Variants in RUFY2 observed in about 807,000 individuals in gnomAD.
RUFY2 encodes RUN and FYVE domain containing 2.
RUFY2 carries 49 observed loss-of-function variants against 94.4 expected under a neutral mutation model. The ratio of observed to expected loss-of-function variants is 0.52; its 90% CI spans 0.41 to 0.66. The LOEUF (loss-of-function observed/expected upper bound fraction) is 0.66, where lower values mean the gene tolerates loss of function less well. Ranked by LOEUF, RUFY2 falls within the 30% of genes least tolerant of loss-of-function variation. The pLI is 0.00. For missense variants in RUFY2, 541 were observed against 692.8 expected, an observed-to-expected ratio of 0.78 and a Z score of 2.46; for synonymous variants, 255 against 235.7, an observed-to-expected ratio of 1.08 and a Z score of -0.75.
At chr10:68,371,429 A>C (rs538553537) in intron 13 of RUFY2, among the ~76,000 whole-genome samples, 46 of 152,026 alleles carry the variant, frequency 3.0e-4, no homozygotes, top group Admixed American at 1.1e-3. Flanking sequence ...CTCAAAAAAA[A>C]AAAAATACAA....
At chr10:68,397,780 A>G (rs940960081) in intron 3 of RUFY2, among the ~76,000 whole-genome samples, 8 of 148,848 alleles carry the variant, frequency 5.4e-5, no homozygotes, top group African/African-American at 2.0e-4. Context: ...CCTGTCTCAG[A>G]AAAAAAAAAG....
downstream of RUFY2, chr10:68,341,573 TTTTTC>T (rs747778464): frequency 2.5e-6 from 4 of 1,570,018 alleles, no homozygotes; most frequent in Non-Finnish European, 3.5e-6. Flanking sequence ...ACTCTTTCTT[TTTTTC>T]TTAAAGAACA....
rs190952421 is a variant in RUFY2, at chr10:68,360,726, C to T, written c.1550+2864G>A. Among the ~76,000 whole-genome samples, 89 of 151,370 alleles carry T rather than the reference C, an allele frequency of 5.9e-4. 2 individuals carry two copies. In the East Asian group the frequency reaches 0.017, roughly 28 times the overall value. On this transcript the variant is annotated intron_variant, in intron 15 of 17. Coordinates refer to ENST00000602465, the MANE Select transcript of RUFY2 (RefSeq NM_001330103.2). ...TACTGCCACTGCACTCCAGCCTGGG[C>T]GACAGAGCGAGACTCCATCTCAAAA...
At chr10:68,362,112 C>T (rs2047496251) in intron 15 of RUFY2, among the ~76,000 whole-genome samples, 1 of 151,992 alleles carries the variant, frequency 6.6e-6, no homozygotes, top group African/African-American at 2.4e-5. Flanking sequence ...ATGTCCTGAG[C>T]CCAGGAGTTC....
At chr10:68,391,576 A>G (rs2049986417) in intron 7 of RUFY2, among the ~76,000 whole-genome samples, 1 of 147,354 alleles carries the variant, frequency 6.8e-6, no homozygotes, top group African/African-American at 2.5e-5. Context: ...TGAGCCTGCA[A>G]TGTCAAGGCT....
intron 13 of RUFY2, among the ~76,000 whole-genome samples, chr10:68,369,410 G>A (rs183848223): frequency 2.0e-5 from 3 of 151,758 alleles, no homozygotes; most frequent in East Asian, 1.9e-4. Context: ...GCCTGAACTG[G>A]GGAGGTCAAG....
chr10:68,381,115 T>TTA, intron 11 of RUFY2, 117 bp downstream of exon 11: 1 of 595,916 alleles, frequency 1.7e-6, no homozygotes. Flanking sequence ...AAAAAGACAT[T>TTA]GGCCTTTATA....
At chr10:68,376,810 T>C (rs747033124) in intron 13 of RUFY2, 43 bp downstream of exon 13, 2 of 1,564,734 alleles carry the variant, frequency 1.3e-6, no homozygotes, top group Admixed American at 3.4e-5. Context: ...AATGAGGGGG[T>C]TATGTTAACA....
Position 68,406,875 on chromosome 10 carries a change from C to T in RUFY2, c.4+311G>A. 3 of 1,602,784 alleles carry T rather than the reference C, an allele frequency of 1.9e-6. No homozygotes were observed. In the African/African-American group the frequency reaches 4.0e-5, roughly 21 times the overall value. ...CCTGAAAAGTCATCGCCCCTCCCCG[C>T]CTGCTCCCCGACCCGGGAGTGACAC... On this transcript the variant is annotated intron_variant, in intron 1 of 17. Coordinates refer to ENST00000602465, the MANE Select transcript of RUFY2 (RefSeq NM_001330103.2).
intron 12 of RUFY2, chr10:68,378,372 G>C (rs1296093321): frequency 8.1e-7 from 1 of 1,229,236 alleles, no homozygotes; most frequent in Non-Finnish European, 1.0e-6. Flanking sequence ...TTTGAGGAAC[G>C]TATGTCTGGA....
intron 12 of RUFY2, chr10:68,377,924 G>A: frequency 1.0e-6 from 1 of 985,344 alleles, no homozygotes; most frequent in African/African-American, 1.7e-5. Flanking sequence ...CTGCTTCCAA[G>A]GAAGGGAGAG....
chr10:68,360,988 G>A (rs2047423341), intron 15 of RUFY2, among the ~76,000 whole-genome samples: 1 of 151,740 alleles, frequency 6.6e-6, no homozygotes, highest in African/African-American at 2.4e-5. Context: ...TCTCTATTAA[G>A]TATGAAGTGA....
intron 7 of RUFY2, among the ~76,000 whole-genome samples, chr10:68,391,314 G>T (rs1442011657): frequency 6.6e-6 from 1 of 151,816 alleles, no homozygotes; most frequent in Non-Finnish European, 1.5e-5. Context: ...TTAATTTTTG[G>T]GGTTTTTTTT....
intron 16 of RUFY2, among the ~76,000 whole-genome samples, chr10:68,348,087 T>C (rs1003534746): frequency 2.0e-5 from 3 of 151,718 alleles, no homozygotes; most frequent in Non-Finnish European, 4.4e-5. Flanking sequence ...GAAGCCTAAC[T>C]CTCCTTAGAA....
chr10:68,406,567 G>C (rs1243121029), intron 1 of RUFY2, among the ~76,000 whole-genome samples: 1 of 152,164 alleles, frequency 6.6e-6, no homozygotes, highest in Non-Finnish European at 1.5e-5. Flanking sequence ...CCCCGGCTGC[G>C]CTACAGGACT....
Position 68,343,626 on chromosome 10 carries a change from G to T in RUFY2, c.*2142C>A, listed in dbSNP as rs2046101436. On this transcript the variant is annotated 3_prime_UTR_variant, in exon 18 of 18. Transcript: ENST00000602465. ...TCCCTGGCACCATGATAGCATTATT[G>T]TGGTAGTACTGCTAGGTGAGGGAAT... The T allele has an allele frequency of 1.3e-5, 2 of 152,420 alleles. No homozygotes were observed. The highest frequency in any genetic ancestry group is 2.9e-5 in the Non-Finnish European group (2 of 67,988). 9.4% of individuals were successfully genotyped at this position (152,420 alleles called of 1,614,324 possible).
downstream of RUFY2, chr10:68,341,451 T>C (rs1268830451): frequency 9.9e-7 from 1 of 1,009,410 alleles, no homozygotes; most frequent in Non-Finnish European, 1.5e-6. Flanking sequence ...GTGGGCTTTA[T>C]ATATCGCTGT....
intron 16 of RUFY2, among the ~76,000 whole-genome samples, chr10:68,351,171 G>A (rs1389938631): frequency 1.1e-5 from 1 of 89,152 alleles, no homozygotes; most frequent in Non-Finnish European, 2.0e-5. Context: ...TCACCCTGTT[G>A]CCCAGACTGG....
intron 16 of RUFY2, among the ~76,000 whole-genome samples, chr10:68,349,537 G>GA (rs966904885): frequency 6.6e-5 from 10 of 150,938 alleles, no homozygotes; most frequent in Non-Finnish European, 1.0e-4. Flanking sequence ...TTTTTTTAAA[G>GA]AAAAAAAAAT....
Sources: allele counts gnomAD v4.1 joint callset (sites outside exome capture counted in the v4.1 genomes callset), GRCh38; gene constraint gnomAD v4.1.1; transcripts MANE v1.5; gene names NCBI Gene and HGNC (gene_info 2026-07-23, HGNC 2026-07-21).